The following FOXO1 variants were observed in gnomAD, a reference collection of about 807,000 sequenced individuals.
The protein encoded by FOXO1 is forkhead box O1.
Under a neutral mutation model 44.1 loss-of-function variants are expected in FOXO1, and 6 were observed. The ratio of observed to expected loss-of-function variants is 0.14; its 90% CI spans 0.07 to 0.27. FOXO1 has a LOEUF of 0.27. Among genes scored for constraint, FOXO1 ranks in the 10% least tolerant of loss-of-function variants. The pLI, the probability that FOXO1 is intolerant of heterozygous loss-of-function variation, is 1.00. For missense variants in FOXO1, 737 were observed against 888.8 expected (o/e 0.83, Z 2.17); for synonymous variants, 380 against 362.7 (o/e 1.05, Z -0.54).
At chr13:40,637,369 G>A (rs1414512688) in intron 1 of FOXO1, among the ~76,000 whole-genome samples, 2 of 150,124 alleles carry the variant, frequency 1.3e-5, no homozygotes, top group South Asian at 2.1e-4. Context: ...GCTTGAACCC[G>A]GGAGGCGGAG....
At chr13:40,657,489 C>T (rs891650877) in intron 1 of FOXO1, among the ~76,000 whole-genome samples, 1 of 152,058 alleles carries the variant, frequency 6.6e-6, no homozygotes, top group African/African-American at 2.4e-5. Flanking sequence ...CATGCCACCA[C>T]ACTCACTTAA....
intron 1 of FOXO1, among the ~76,000 whole-genome samples, chr13:40,651,365 A>G (rs1052344942): frequency 5.3e-5 from 8 of 152,142 alleles, no homozygotes; most frequent in Non-Finnish European, 8.8e-5. Context: ...ACTGGAATAT[A>G]ATTCCCTAGG....
At chr13:40,637,752 GC>G (rs1204048882) in intron 1 of FOXO1, among the ~76,000 whole-genome samples, 4 of 152,178 alleles carry the variant, frequency 2.6e-5, no homozygotes, top group African/African-American at 9.7e-5. Flanking sequence ...GAGGTCAACT[GC>G]CCAAGTGATA....
intron 1 of FOXO1, among the ~76,000 whole-genome samples, chr13:40,655,155 G>T (rs747925473): frequency 2.0e-5 from 3 of 151,932 alleles, no homozygotes; most frequent in African/African-American, 7.3e-5. Context: ...GGCCAACATG[G>T]TGAAACCCCG....
intron 1 of FOXO1, among the ~76,000 whole-genome samples, chr13:40,643,479 T>C (rs1198292926): frequency 6.6e-6 from 1 of 152,168 alleles, no homozygotes; most frequent in Non-Finnish European, 1.5e-5. Context: ...CCTAAGATAC[T>C]TCACATAATT....
intron 1 of FOXO1, among the ~76,000 whole-genome samples, chr13:40,584,486 A>C (rs1266391589): frequency 1.1e-5 from 1 of 89,450 alleles, no homozygotes. Context: ...AAAAAAAAAA[A>C]AAAAAAAAAA....
chr13:40,595,217 C>T (rs754603926), intron 1 of FOXO1, among the ~76,000 whole-genome samples: 2 of 152,194 alleles, frequency 1.3e-5, no homozygotes, highest in Non-Finnish European at 2.9e-5. Context: ...TACACTTGGA[C>T]TTTTGTTCTC....
At chr13:40,664,712 G>C (rs1000490935) in intron 1 of FOXO1, among the ~76,000 whole-genome samples, 3 of 152,146 alleles carry the variant, frequency 2.0e-5, no homozygotes, top group Non-Finnish European at 2.9e-5. Context: ...AAGTTCGGGC[G>C]CTTCCCCGCA....
intron 1 of FOXO1, among the ~76,000 whole-genome samples, chr13:40,650,602 C>T (rs1877648573): frequency 6.6e-6 from 1 of 152,202 alleles, no homozygotes; most frequent in Non-Finnish European, 1.5e-5. Flanking sequence ...TGAGGGTCCA[C>T]TCCTCAAGCA....
At chr13:40,619,946 T>A in intron 1 of FOXO1, 1 of 676,484 alleles carries the variant, frequency 1.5e-6, no homozygotes. Context: ...TTAGGGCCAA[T>A]AAGATCTACT....
At chr13:40,629,333 G>T (rs1200009237) in intron 1 of FOXO1, among the ~76,000 whole-genome samples, 1 of 152,140 alleles carries the variant, frequency 6.6e-6, no homozygotes, top group African/African-American at 2.4e-5. Context: ...GTAGAGATGG[G>T]GTTTCTCCAT....
At chr13:40,600,253 A>C (rs1875766570) in intron 1 of FOXO1, among the ~76,000 whole-genome samples, 1 of 152,220 alleles carries the variant, frequency 6.6e-6, no homozygotes, top group African/African-American at 2.4e-5. Flanking sequence ...GAAAAGATGG[A>C]GAGAAATGGA....
intron 1 of FOXO1, chr13:40,611,143 G>A (rs749952618): frequency 2.3e-6 from 1 of 427,504 alleles, no homozygotes; most frequent in East Asian, 7.8e-5. Flanking sequence ...AGGATAAAAT[G>A]AGTGAGCAAT....
chr13:40,578,826 CTTTGT>C (rs902158669), intron 1 of FOXO1, among the ~76,000 whole-genome samples: 10 of 152,322 alleles, frequency 6.6e-5, no homozygotes, highest in African/African-American at 1.4e-4. Context: ...TTCCCTTAGA[CTTTGT>C]TTTGTTTTGT....
At chr13:40,576,635 C>T (rs1415432887) in intron 1 of FOXO1, among the ~76,000 whole-genome samples, 1 of 152,210 alleles carries the variant, frequency 6.6e-6, no homozygotes, top group Non-Finnish European at 1.5e-5. Context: ...GCCCTCCTCC[C>T]TGTCTCCCTC....
chr13:40,571,005 A>G (rs1217014101), intron 1 of FOXO1, among the ~76,000 whole-genome samples: 1 of 152,200 alleles, frequency 6.6e-6, no homozygotes, highest in African/African-American at 2.4e-5. Context: ...CAAAGCCTGG[A>G]AAACAGAAAC....
At chr13:40,631,426 G>A (rs1252769380) in intron 1 of FOXO1, among the ~76,000 whole-genome samples, 1 of 151,864 alleles carries the variant, frequency 6.6e-6, no homozygotes, top group African/African-American at 2.4e-5. Flanking sequence ...GACACCAAAA[G>A]CACAAGCTAC....
intron 1 of FOXO1, among the ~76,000 whole-genome samples, chr13:40,584,221 C>A (rs887150694): frequency 1.3e-5 from 2 of 151,914 alleles, no homozygotes; most frequent in Admixed American, 6.6e-5. Context: ...AAACTCATCC[C>A]TTGAGAAAGG....
Position 40,563,625 on chromosome 13 carries a change from T to G in FOXO1, c.631-2765A>C, listed in dbSNP as rs189617564. 1.0e-3 allele frequency among the ~76,000 whole-genome samples: 158 copies of G among 152,074 alleles called. 1 individual carries two copies. The highest frequency in any genetic ancestry group is 2.1e-3 in the Non-Finnish European group (143 of 67,974). ...CTTCCTCCACACCCAAGATCTACCC[T>G]CACCTCGAGACACGCTGTGAGGAGG... On this transcript the variant is annotated intron_variant, in intron 1 of 2. Transcript: ENST00000379561.
Sources: gnomAD v4.1 joint callset for allele counts (sites outside exome capture counted in the v4.1 genomes callset) on GRCh38, gnomAD v4.1.1 for gene constraint, MANE v1.5 for transcripts, NCBI Gene and HGNC (gene_info 2026-07-23, HGNC 2026-07-21) for gene names.